The following IKBKE variants were observed in gnomAD, a reference collection of about 807,000 sequenced individuals.
IKBKE encodes inhibitor of nuclear factor kappa B kinase subunit epsilon, also known as inhibitor of nuclear factor kappa-B kinase subunit epsilon.
A neutral mutation model predicts 92.1 loss-of-function variants in IKBKE; 45 were observed. That is an observed-to-expected ratio of 0.49 (90% CI 0.38 to 0.63). The LOEUF is 0.63. Ranked by LOEUF, IKBKE falls within the 20% of genes least tolerant of loss-of-function variation. The pLI, the probability that IKBKE is intolerant of heterozygous loss-of-function variation, is 0.00. For missense variants in IKBKE, 700 were observed against 932.8 expected (o/e 0.75, Z 3.25); for synonymous variants, 374 against 380.3 (o/e 0.98, Z 0.19).
intron 7 of IKBKE, among the ~76,000 whole-genome samples, chr1:206,477,067 G>T (rs1665108303): frequency 6.6e-6 from 1 of 152,198 alleles, no homozygotes; most frequent in Non-Finnish European, 1.5e-5. Context: ...TTAGTTCGGT[G>T]CTTCACTCTA....
Position 206,489,341 on chromosome 1 carries a change from GTA to G in IKBKE, c.1693+1355_1693+1356del, listed in dbSNP as rs1210832070. Among the ~76,000 whole-genome samples, 306 of 131,592 alleles carry G rather than the reference GTA, an allele frequency of 2.3e-3. 1 individual carries two copies. Among genetic ancestry groups the G allele is most frequent in the Non-Finnish European group, 3.4e-3 (218 of 63,686 alleles). 86.3% of individuals were successfully genotyped at this position (131,592 alleles called of 152,430 possible). On this transcript the variant is annotated intron_variant, in intron 16 of 21. Transcript: ENST00000581977. ...GGGAAACTAAATTTTATATATGTGT[GTA>G]TATGTGTGTGTGTGTGTGTGTGTGT... is the stretch of plus-strand genomic sequence containing the variant.
chr1:206,478,431 A>G lies in IKBKE; in HGVS notation c.992+92A>G. On this transcript the variant is annotated intron_variant, in intron 9 of 21. Coordinates refer to ENST00000581977, the MANE Select transcript of IKBKE (RefSeq NM_014002.4). The surrounding 1 kb of genome is among the most constrained non-coding windows in gnomAD (Gnocchi z 4.8). ...GCAGCATCTCCCACAGTACGTTCTG[A>G]GGAGTGTGTACATAGGAACGCTTCC... The G allele has an allele frequency of 7.7e-7, 1 of 1,291,460 alleles. No individual in the cohort carries two copies. The highest frequency in any genetic ancestry group is 1.1e-6 in the Non-Finnish European group (1 of 909,094). 80.0% of individuals were successfully genotyped at this position (1,291,460 alleles called of 1,614,324 possible). A position where few individuals can be genotyped will look rare whatever the true frequency, so the allele number is the denominator to read the frequency against.
chr1:206,489,975 G>T (rs558475793), intron 16 of IKBKE, among the ~76,000 whole-genome samples: 10 of 152,138 alleles, frequency 6.6e-5, no homozygotes, highest in Middle Eastern at 6.8e-3. Flanking sequence ...AGGCTCTCTC[G>T]CATGAGCCTC....
intron 13 of IKBKE, among the ~76,000 whole-genome samples, chr1:206,482,318 G>A (rs1665444773): frequency 1.3e-5 from 2 of 152,148 alleles, no homozygotes; most frequent in Admixed American, 1.3e-4. Flanking sequence ...GAGAGAGGTT[G>A]GACCCCAATA....
At chr1:206,480,303 G>C in intron 12 of IKBKE, 144 bp from the exon 13 acceptor site, 2 of 667,328 alleles carry the variant, frequency 3.0e-6, no homozygotes, top group Non-Finnish European at 5.1e-6. Flanking sequence ...GAGGCGGGCT[G>C]TAGGTGGAGG....
Position 206,478,731 on chromosome 1 carries a change from A to G in IKBKE, c.993-212A>G, listed in dbSNP as rs565210747. On this transcript the variant is annotated intron_variant, in intron 9 of 21. Coordinates refer to ENST00000581977, the MANE Select transcript of IKBKE (RefSeq NM_014002.4). The surrounding 1 kb of genome is among the most constrained non-coding windows in gnomAD (Gnocchi z 4.8). ...AAGGCTGGGTATTAGGACTCCTGGG[A>G]CCTGTTCCCACTCTGTCTCCATCAC... Among the ~76,000 whole-genome samples, 130 of 152,082 alleles carry G rather than the reference A, an allele frequency of 8.5e-4. No homozygotes were observed. The highest frequency in any genetic ancestry group is 4.4e-5 in the Non-Finnish European group (3 of 67,966).
At chr1:206,491,979 C>T (rs1363742589) in intron 18 of IKBKE, 2 of 421,006 alleles carry the variant, frequency 4.8e-6, no homozygotes, top group African/African-American at 2.0e-5. Flanking sequence ...ATATCATCAC[C>T]CTATTTCCTA....
chr1:206,481,989 C>T (rs41298997), intron 13 of IKBKE, among the ~76,000 whole-genome samples: 37,485 of 151,424 alleles, frequency 0.25, 5,230 homozygotes, highest in East Asian at 0.61. Flanking sequence ...CCGTTTTAGC[C>T]GGGATGGTCT....
chr1:206,477,299 T>G lies in IKBKE; in HGVS notation c.702-450T>G, dbSNP rs78446044. Among the ~76,000 whole-genome samples the G allele has an allele frequency of 0.012, 1,886 of 152,194 alleles. 120 individuals carry two copies. In the East Asian group the frequency reaches 0.18, roughly 14 times the overall value. On this transcript the variant is annotated intron_variant, in intron 7 of 21. Transcript: ENST00000581977. ...CAGAGCAGAGGAGATGTCAGCTGGC[T>G]TAGTGGGAAGGTTGCTGCACCCACC...
In IKBKE at chr1:206,494,052, G is replaced by A. The variant is rs1572271037; in HGVS notation, c.2117+61G>A. ...GTCTTCAAGCTACCCTTGCCTGGGG[G>A]TGGTGAAGAGTCCCCAAGCCTGCCC... On this transcript the variant is annotated intron_variant, in intron 21 of 21. Transcript: ENST00000581977. 3.6e-6 allele frequency: 5 copies of A among 1,406,292 alleles called. No individual in the cohort carries two copies. In the East Asian group the frequency reaches 9.1e-5, roughly 26 times the overall value. The allele number at this position is 1,406,292 out of a possible 1,614,324, so 87.1% of individuals were successfully genotyped here.
At chr1:206,477,530 GGGCAAAGGTGTCTCTACCTGA>G (rs1665134891) in intron 7 of IKBKE, among the ~76,000 whole-genome samples, 198 bp from the exon 8 acceptor site, 1 of 152,076 alleles carries the variant, frequency 6.6e-6, no homozygotes, top group Non-Finnish European at 1.5e-5. Flanking sequence ...GCAGTGGACA[GGGCAAAGGTGTCTCTACCTGA>G]AGCAAAGGGC....
At chr1:206,479,174 A>G in intron 10 of IKBKE, 41 bp downstream of exon 10, 1 of 1,485,798 alleles carries the variant, frequency 6.7e-7, no homozygotes, top group Non-Finnish European at 9.0e-7. Flanking sequence ...TCCTCCCCAC[A>G]TTTTCCTCTG....
In IKBKE at chr1:206,490,292, A is replaced by T. The variant is rs1471305392; in HGVS notation, c.1694-527A>T. Reference sequence around the variant, plus strand: ...AGCATCTCCCTAGTGCATGAGCCTTAGGGCCCTTCAGGAGGCAGCCAAGGC... The same window carrying T: ...AGCATCTCCCTAGTGCATGAGCCTTTGGGCCCTTCAGGAGGCAGCCAAGGC... On this transcript the variant is annotated intron_variant, in intron 16 of 21. Coordinates refer to ENST00000581977, the MANE Select transcript of IKBKE (RefSeq NM_014002.4). This position sits in a 1 kb window ranked among gnomAD's most constrained non-coding sequence, Gnocchi z 5.2. 1.3e-5 allele frequency among the ~76,000 whole-genome samples: 2 copies of T among 152,196 alleles called. No individual in the cohort carries two copies. The highest frequency in any genetic ancestry group is 2.9e-5 in the Non-Finnish European group (2 of 68,028).
In IKBKE at chr1:206,485,293, C is replaced by T. The variant is rs1553388320; in HGVS notation, c.1603C>T (p.His535Tyr). ...RELVKSRDQV[H>Y]EDRSIQQIQC... ...GCTGGTGAAGAGCCGGGATCAGGTACATGAGGACAGAAGGTCTGTGGGATT... is the reference window on the plus strand; with the variant it reads ...GCTGGTGAAGAGCCGGGATCAGGTATATGAGGACAGAAGGTCTGTGGGATT... The change falls in exon 15 of 22, where the codon CAT becomes TAT. Residue 535 changes from histidine to tyrosine, a missense_variant. Transcript: ENST00000581977. The surrounding 1 kb of genome is among the most constrained non-coding windows in gnomAD (Gnocchi z 5.0). The T allele has an allele frequency of 1.2e-6, 2 of 1,606,060 alleles. No individual in the cohort carries two copies. The highest frequency in any genetic ancestry group is 1.1e-5 in the South Asian group (1 of 90,952).
rs1285091924 is a variant in IKBKE at position 206,480,204 on chromosome 1, TG to T, written c.1340+97del. 160 of 105,732 alleles carry T rather than the reference TG, an allele frequency of 1.5e-3. 5 individuals are homozygous for T. Among genetic ancestry groups the T allele is most frequent in the South Asian group, 8.9e-3 (144 of 16,106 alleles). The allele number at this position is 105,732 out of a possible 1,614,324, so 6.5% of individuals were successfully genotyped here. A position where few individuals can be genotyped will look rare whatever the true frequency, so the allele number is the denominator to read the frequency against. ...GGAGTGGGCAGGAAGGGGAGATGGG[TG>T]GGGGGTGGGCAGGAAGTGGAGGTGA... On this transcript the variant is annotated intron_variant, in intron 12 of 21. Transcript: ENST00000581977.
At chr1:206,473,097 T>C in intron 2 of IKBKE, 99 bp from the exon 3 acceptor site, 2 of 718,508 alleles carry the variant, frequency 2.8e-6, no homozygotes, top group Non-Finnish European at 5.0e-6. Context: ...CATGGAGCCC[T>C]TCTTAGGGTA....
At chr1:206,477,052 C>T (rs892807582) in intron 7 of IKBKE, among the ~76,000 whole-genome samples, 3 of 152,230 alleles carry the variant, frequency 2.0e-5, no homozygotes, top group Non-Finnish European at 4.4e-5. Flanking sequence ...TGAATATGCT[C>T]TATGTTAGTT....
In IKBKE at chr1:206,485,350, G is replaced by A; in HGVS notation, c.1616+44G>A. On this transcript the variant is annotated intron_variant, in intron 15 of 21. Transcript: ENST00000581977. This position sits in a 1 kb window ranked among gnomAD's most constrained non-coding sequence, Gnocchi z 5.0. The stretch of plus-strand genomic sequence containing the variant: ...CTTTGTGGGGTGGGAGTGGGGGAGT[G>A]GGCAGCTCCAAAGGTCCAGTAACCT... 8.4e-7 allele frequency: 1 copy of A among 1,184,800 alleles called. No individual in the cohort carries two copies. Among genetic ancestry groups the A allele is most frequent in the Non-Finnish European group, 1.3e-6 (1 of 790,848 alleles). The allele number at this position is 1,184,800 out of a possible 1,614,324, so 73.4% of individuals were successfully genotyped here.
chr1:206,477,149 C>T (rs1665111636), intron 7 of IKBKE, among the ~76,000 whole-genome samples: 1 of 152,238 alleles, frequency 6.6e-6, no homozygotes, highest in South Asian at 2.1e-4. Flanking sequence ...GGTGGAAGAG[C>T]TCACCAGGGG....
Sources: allele counts gnomAD v4.1 joint callset (sites outside exome capture counted in the v4.1 genomes callset), GRCh38; gene constraint gnomAD v4.1.1; non-coding constraint Gnocchi (gnomAD v3.1); transcripts MANE v1.5; gene names NCBI Gene and HGNC (gene_info 2026-07-23, HGNC 2026-07-21).